LTA4H: variants seen among roughly 807,000 people sequenced by gnomAD.
LTA4H encodes the protein leukotriene A-4 hydrolase.
LTA4H carries 59 observed loss-of-function variants against 89.8 expected under a neutral mutation model. The observed-to-expected ratio is 0.66, with a 90% CI of 0.53 to 0.82. LTA4H has a LOEUF of 0.82. Among genes scored for constraint, LTA4H ranks in the 40% least tolerant of loss-of-function variants. LTA4H has a pLI of 0.00. For missense variants in LTA4H, 617 were observed against 727.0 expected, an observed-to-expected ratio of 0.85 and a Z score of 1.74; for synonymous variants, 227 against 253.1, an observed-to-expected ratio of 0.90 and a Z score of 0.98.
chr12:96,009,123 A>T lies in LTA4H; in HGVS notation c.1405T>A (p.Cys469Ser). ...ATCCATCTTTGACTTAAGGCAATAC[A>T]AGCATTTGTCAGAGTCATATCATAA... ...PNYDMTLTNACIALSQRWITA... is the reference protein window; with the variant it reads ...PNYDMTLTNASIALSQRWITA... Residue 469 changes from cysteine (C) to serine (S), a missense_variant, in exon 15 of 19, where the codon TGT becomes AGT. By Grantham distance (112) the Cys-to-Ser change is moderately radical (BLOSUM62 -1). Transcript: ENST00000228740. 6.2e-7 allele frequency: 1 copy of T among 1,607,080 alleles called. No homozygotes were observed. Among genetic ancestry groups the T allele is most frequent in the Non-Finnish European group, 8.5e-7 (1 of 1,174,804 alleles).
chr12:96,035,199 G>A (rs1344324533), intron 1 of LTA4H, among the ~76,000 whole-genome samples, 162 bp downstream of exon 1: 1 of 152,194 alleles, frequency 6.6e-6, no homozygotes, highest in Admixed American at 6.5e-5. Flanking sequence ...GGGCTGAAGT[G>A]CACAACATGA....
At chr12:96,017,633 C>T (rs543494971) in intron 8 of LTA4H, 53 bp from the exon 9 acceptor site, 1 of 1,310,274 alleles carries the variant, frequency 7.6e-7, no homozygotes, top group East Asian at 2.3e-5. Context: ...TACAGACTAT[C>T]TAAAAGACTG....
At chr12:96,009,194 C>T in intron 14 of LTA4H, 46 bp from the exon 15 acceptor site, 1 of 1,333,250 alleles carries the variant, frequency 7.5e-7, no homozygotes, top group Non-Finnish European at 1.1e-6. Context: ...CGTGCTTTTG[C>T]AGAAATGCAG....
At chr12:96,027,045 T>C (rs1367549915) in intron 3 of LTA4H, among the ~76,000 whole-genome samples, 1 of 152,228 alleles carries the variant, frequency 6.6e-6, no homozygotes, top group African/African-American at 2.4e-5. Context: ...CAATGGTGTC[T>C]GGAAAAGGTT....
chr12:96,027,021 TG>T (rs1950520309), intron 3 of LTA4H, among the ~76,000 whole-genome samples: 1 of 152,192 alleles, frequency 6.6e-6, no homozygotes, highest in Non-Finnish European at 1.5e-5. Context: ...AACTCAATGG[TG>T]GTTACCTCTG....
At chr12:96,030,399 C>T (rs1052355119) in intron 1 of LTA4H, among the ~76,000 whole-genome samples, 6 of 152,198 alleles carry the variant, frequency 3.9e-5, no homozygotes, top group Non-Finnish European at 7.3e-5. Flanking sequence ...ATTCCCTCCC[C>T]AGGACCTCAG....
intron 5 of LTA4H, among the ~76,000 whole-genome samples, chr12:96,021,925 C>T (rs1042290928): frequency 2.0e-5 from 3 of 152,062 alleles, no homozygotes; most frequent in Non-Finnish European, 1.5e-5. Flanking sequence ...CAGGTATGCT[C>T]CCTATTCTGT....
chr12:96,007,915 C>CTGAT, intron 15 of LTA4H, among the ~76,000 whole-genome samples: 1 of 152,294 alleles, frequency 6.6e-6, no homozygotes. Flanking sequence ...AATAGCTGAA[C>CTGAT]TGATTGCACA....
upstream of LTA4H, among the ~76,000 whole-genome samples, chr12:96,040,161 A>G (rs1011141667): frequency 1.2e-4 from 18 of 152,202 alleles, no homozygotes; most frequent in African/African-American, 4.1e-4. Flanking sequence ...AGGTGGGCAG[A>G]TTTTTCAGGT....
At chr12:96,028,214 T>C (rs929148284) in intron 2 of LTA4H, among the ~76,000 whole-genome samples, 1 of 151,986 alleles carries the variant, frequency 6.6e-6, no homozygotes, top group Middle Eastern at 3.2e-3. Context: ...ACAGCAGAGG[T>C]TTAGAGACCA....
chr12:96,041,743 G>T (rs538798284), intron 1 of LTA4H, among the ~76,000 whole-genome samples: 5 of 152,002 alleles, frequency 3.3e-5, no homozygotes, highest in African/African-American at 1.2e-4. Context: ...CCGGGTTCAC[G>T]CCATTTTCCT....
chr12:96,027,735 TCCTA>T (rs1950528105), intron 2 of LTA4H, 171 bp from the exon 3 acceptor site: 2 of 396,312 alleles, frequency 5.0e-6, no homozygotes, highest in Non-Finnish European at 9.0e-6. Context: ...CTCTCAGTTT[TCCTA>T]CCTAATTGCC....
At chr12:96,017,285 A>G (rs1411540121) in intron 9 of LTA4H, among the ~76,000 whole-genome samples, 171 bp from the exon 10 acceptor site, 2 of 152,252 alleles carry the variant, frequency 1.3e-5, no homozygotes, top group Non-Finnish European at 1.5e-5. Flanking sequence ...ACACACACAC[A>G]CAAATATGGC....
intron 16 of LTA4H, among the ~76,000 whole-genome samples, chr12:96,005,949 T>C (rs2136860564): frequency 6.6e-6 from 1 of 152,196 alleles, no homozygotes; most frequent in Admixed American, 6.5e-5. Flanking sequence ...GATTTCATCA[T>C]GTTGGCCAGG....
rs371719478 is a variant in LTA4H at position 96,015,032 on chromosome 12, T to C, written c.1060-33A>G. On this transcript the variant is annotated intron_variant, in intron 11 of 18. Transcript: ENST00000228740. ...ACATGAAATAACATGGAGAAACATA[T>C]AGAAAGACTGCTATCACCACGCAAA... is the stretch of plus-strand genomic sequence containing the variant. 62 of 1,599,398 alleles carry C rather than the reference T, an allele frequency of 3.9e-5. 1 individual carries two copies. The highest frequency in any genetic ancestry group is 5.1e-5 in the Non-Finnish European group (60 of 1,173,246).
At chr12:96,019,285 G>A in intron 6 of LTA4H, 45 bp from the exon 7 acceptor site, 1 of 1,496,776 alleles carries the variant, frequency 6.7e-7, no homozygotes, top group Non-Finnish European at 9.2e-7. Context: ...CATGGCAAAT[G>A]ATTCATCTGG....
At chr12:96,023,020 T>C (rs1157647118) in intron 4 of LTA4H, among the ~76,000 whole-genome samples, 1 of 152,232 alleles carries the variant, frequency 6.6e-6, no homozygotes, top group East Asian at 1.9e-4. Context: ...AAGACCCTTA[T>C]GCGGCAAACC....
chr12:96,003,163 C>A (rs565204566), intron 17 of LTA4H, 99 bp from the exon 18 acceptor site: 1 of 740,500 alleles, frequency 1.4e-6, no homozygotes, highest in Non-Finnish European at 2.3e-6. Context: ...ATATGAATAA[C>A]CCCACTATAG....
intron 2 of LTA4H, 121 bp downstream of exon 2, chr12:96,028,934 G>T: frequency 1.4e-6 from 1 of 703,126 alleles, no homozygotes; most frequent in Non-Finnish European, 2.1e-6. Context: ...ATCAGGATAA[G>T]TAGTGTACCA....
Sources: allele counts gnomAD v4.1 joint callset (sites outside exome capture counted in the v4.1 genomes callset), GRCh38; gene constraint gnomAD v4.1.1; transcripts MANE v1.5; gene names NCBI Gene and HGNC (gene_info 2026-07-23, HGNC 2026-07-21).